Variants in MIS18BP1 observed in about 807,000 individuals in gnomAD.
The protein encoded by MIS18BP1 is MIS18 binding protein 1.
MIS18BP1 carries 72 observed loss-of-function variants against 116.1 expected under a neutral mutation model. The ratio of observed to expected loss-of-function variants is 0.62; its 90% CI spans 0.51 to 0.75. The LOEUF (loss-of-function observed/expected upper bound fraction) is 0.75. Among genes scored for constraint, MIS18BP1 ranks in the 30% least tolerant of loss-of-function variants. The pLI, the probability that MIS18BP1 is intolerant of heterozygous loss-of-function variation, is 0.00. For synonymous variants in MIS18BP1, 386 were observed against 427.0 expected, an observed-to-expected ratio of 0.90 and a Z score of 1.18; for missense variants, 1,363 against 1,303.2, an observed-to-expected ratio of 1.05 and a Z score of -0.71.
At chr14:45,252,857 A>C (rs1038673684) in intron 1 of MIS18BP1, among the ~76,000 whole-genome samples, 178 bp downstream of exon 1, 1 of 152,224 alleles carries the variant, frequency 6.6e-6, no homozygotes, top group Admixed American at 6.5e-5. Flanking sequence ...TACTCTCTTA[A>C]GTACAGTAGA....
chr14:45,224,246 C>G lies in MIS18BP1; in HGVS notation c.2341G>C (p.Glu781Gln). The G allele has an allele frequency of 1.2e-6, 2 of 1,613,782 alleles. No homozygotes were observed. ...LSSEESETEK[E>Q]IKRKAEVKKT... is the part of the protein sequence containing the mutation. The stretch of plus-strand genomic sequence containing the variant: ...TTAACTTCAGCTTTCCTTTTAATTT[C>G]CTTTTCTGTTTCACTTTCTTCACTT... The change falls in exon 11 of 17, where the codon GAA becomes CAA. Residue 781 changes from glutamate (E) to glutamine (Q), a missense_variant. Transcript: ENST00000310806.
intron 13 of MIS18BP1, among the ~76,000 whole-genome samples, chr14:45,213,294 G>A (rs956804234): frequency 6.6e-6 from 1 of 152,164 alleles, no homozygotes; most frequent in Non-Finnish European, 1.5e-5. Flanking sequence ...ATCCTACACT[G>A]TATAGGTCTA....
At chr14:45,234,144 C>A (rs1891361680) in intron 6 of MIS18BP1, among the ~76,000 whole-genome samples, 1 of 151,394 alleles carries the variant, frequency 6.6e-6, no homozygotes, top group African/African-American at 2.4e-5. Flanking sequence ...AAAGTGTATA[C>A]TGAATGTAGC....
chr14:45,206,757 G>A (rs1266973188), intron 14 of MIS18BP1, among the ~76,000 whole-genome samples: 1 of 152,004 alleles, frequency 6.6e-6, no homozygotes, highest in Non-Finnish European at 1.5e-5. Context: ...TACCGTCTAC[G>A]CTCTTTCCGG....
intron 2 of MIS18BP1, among the ~76,000 whole-genome samples, chr14:45,245,277 C>T (rs1027148943): frequency 6.6e-6 from 1 of 152,140 alleles, no homozygotes; most frequent in African/African-American, 2.4e-5. Context: ...CCTTAAAGTA[C>T]TTCATTCTCT....
At chr14:45,210,285 TC>T (rs1159815590) in intron 14 of MIS18BP1, 94 bp downstream of exon 14, 20 of 1,258,274 alleles carry the variant, frequency 1.6e-5, no homozygotes, top group Non-Finnish European at 2.0e-5. Context: ...TAATGCCTCT[TC>T]CCATTACTGG....
rs567930054 is a variant in MIS18BP1 at position 45,210,638 on chromosome 14, G to A, written c.3004-110C>T. 48 of 1,334,878 alleles carry A rather than the reference G, an allele frequency of 3.6e-5. No homozygotes were observed. The South Asian group carries it at 5.6e-4, about 16-fold the overall frequency. The allele number at this position is 1,334,878 out of a possible 1,614,324, so 82.7% of individuals were successfully genotyped here. On this transcript the variant is annotated intron_variant, in intron 13 of 16. Coordinates refer to ENST00000310806, the MANE Select transcript of MIS18BP1 (RefSeq NM_018353.5). ...GTTGGTTCTTCTTGTAACTTTCCAA[G>A]TTAGATAATTAAAAACAGTAGTACG...
chr14:45,209,440 A>G (rs1193014912), intron 14 of MIS18BP1, among the ~76,000 whole-genome samples: 1 of 152,036 alleles, frequency 6.6e-6, no homozygotes, highest in Non-Finnish European at 1.5e-5. Context: ...CAATCCTTCT[A>G]CATCAGCCTC....
intron 11 of MIS18BP1, among the ~76,000 whole-genome samples, chr14:45,220,125 G>A (rs959246556): frequency 2.6e-5 from 4 of 151,384 alleles, no homozygotes; most frequent in African/African-American, 4.9e-5. Flanking sequence ...AAGAGACAGG[G>A]TCTCAATCTG....
Position 45,206,090 on chromosome 14 carries a change from T to C in MIS18BP1, c.3233A>G (p.Lys1078Arg). 1.3e-6 allele frequency: 2 copies of C among 1,590,724 alleles called. No individual in the cohort carries two copies. Among genetic ancestry groups the C allele is most frequent in the South Asian group, 2.2e-5 (2 of 88,978 alleles). Reference sequence around the variant, plus strand: ...ATAAAGAAAAATACTTACTAATTTTTTCTTGATGTTGCCCCAGACAATACC... The same window carrying C: ...ATAAAGAAAAATACTTACTAATTTTCTCTTGATGTTGCCCCAGACAATACC... ...NGGIVWGNIKKKLVETDFSTP... is the reference protein window; with the variant it reads ...NGGIVWGNIKRKLVETDFSTP... The change falls in exon 15 of 17, where the codon AAA becomes AGA. Residue 1078 changes from lysine to arginine, a missense_variant. Lys to Arg is a conservative substitution (Grantham distance 26). Coordinates refer to ENST00000310806, the MANE Select transcript of MIS18BP1 (RefSeq NM_018353.5).
At chr14:45,251,778 G>C (rs1472147020) in intron 1 of MIS18BP1, among the ~76,000 whole-genome samples, 2 of 152,170 alleles carry the variant, frequency 1.3e-5, no homozygotes, top group African/African-American at 2.4e-5. Context: ...CAATAAACGA[G>C]TTGTGACACC....
intron 9 of MIS18BP1, among the ~76,000 whole-genome samples, chr14:45,227,304 C>T (rs1453186938): frequency 6.6e-5 from 10 of 151,812 alleles, no homozygotes; most frequent in African/African-American, 1.7e-4. Context: ...GTCAGGAGTT[C>T]GAGACCAGCC....
intron 1 of MIS18BP1, among the ~76,000 whole-genome samples, chr14:45,252,456 G>C (rs1014507282): frequency 2.0e-5 from 3 of 152,134 alleles, no homozygotes; most frequent in African/African-American, 7.2e-5. Flanking sequence ...TCTGGAAGCG[G>C]TGAACCAAAT....
At chr14:45,226,930 T>C (rs1891138621) in intron 9 of MIS18BP1, 94 bp from the exon 10 acceptor site, 3 of 1,073,128 alleles carry the variant, frequency 2.8e-6, no homozygotes, top group South Asian at 4.8e-5. Flanking sequence ...CATACAAATT[T>C]CTAGGTACTT....
At chr14:45,244,901 G>T (rs576639356) in intron 2 of MIS18BP1, among the ~76,000 whole-genome samples, 2 of 152,276 alleles carry the variant, frequency 1.3e-5, no homozygotes, top group South Asian at 4.2e-4. Context: ...TGATGCATTA[G>T]ATTATATTTC....
intron 9 of MIS18BP1, among the ~76,000 whole-genome samples, chr14:45,227,426 G>A (rs1383060830): frequency 6.6e-6 from 1 of 151,648 alleles, no homozygotes; most frequent in South Asian, 2.1e-4. Context: ...AGAATCACTC[G>A]AACCCAGGAG....
At chr14:45,237,615 T>C in intron 5 of MIS18BP1, 33 bp downstream of exon 5, 1 of 1,580,934 alleles carries the variant, frequency 6.3e-7, no homozygotes, top group Non-Finnish European at 8.6e-7. Flanking sequence ...TAACTAAAGT[T>C]TTATTAAAAG....
chr14:45,238,201 G>C (rs933330683), intron 4 of MIS18BP1, among the ~76,000 whole-genome samples: 3 of 149,698 alleles, frequency 2.0e-5, no homozygotes, highest in African/African-American at 7.4e-5. Flanking sequence ...AGATTTAACA[G>C]TATTTTATTC....
chr14:45,217,291 C>CA (rs1184391433), intron 12 of MIS18BP1, 112 bp from the exon 13 acceptor site: 143 of 1,280,658 alleles, frequency 1.1e-4, no homozygotes, highest in Admixed American at 2.3e-4. Flanking sequence ...AAAAAAAAAC[C>CA]AAAAAACTCA....
Sources: gnomAD v4.1 joint callset for allele counts (sites outside exome capture counted in the v4.1 genomes callset) on GRCh38, gnomAD v4.1.1 for gene constraint, MANE v1.5 for transcripts, NCBI Gene and HGNC (gene_info 2026-07-23, HGNC 2026-07-21) for gene names.